The following ARFGEF1 variants were observed in gnomAD, a reference collection of about 807,000 sequenced individuals.
ARFGEF1 encodes the protein ARF guanine nucleotide exchange factor 1.
ARFGEF1 carries 42 observed loss-of-function variants against 231.0 expected under a neutral mutation model. The observed-to-expected ratio is 0.18, with a 90% CI of 0.14 to 0.24. The LOEUF is 0.24. Ranked by LOEUF, ARFGEF1 falls within the 10% of genes least tolerant of loss-of-function variation. The probability of loss-of-function intolerance (pLI) is 1.00; values close to 1 mark genes in which losing one functional copy is unlikely to be tolerated. For missense variants in ARFGEF1, 1,345 were observed against 2,192.0 expected, an observed-to-expected ratio of 0.61 and a Z score of 7.72; for synonymous variants, 710 against 732.3, an observed-to-expected ratio of 0.97 and a Z score of 0.49.
chr8:67,342,495 A>G (rs1808686571), intron 1 of ARFGEF1, among the ~76,000 whole-genome samples: 1 of 152,116 alleles, frequency 6.6e-6, no homozygotes, highest in African/African-American at 2.4e-5. Context: ...TTTTATCTAA[A>G]GGTTCTTTGC....
intron 19 of ARFGEF1, among the ~76,000 whole-genome samples, chr8:67,244,758 A>C (rs1236217756): frequency 1.3e-5 from 2 of 150,426 alleles, no homozygotes; most frequent in South Asian, 4.2e-4. Context: ...GCAATTCTAA[A>C]AGTTATTGGT....
intron 5 of ARFGEF1, among the ~76,000 whole-genome samples, chr8:67,191,059 C>T (rs1469658327): frequency 6.6e-6 from 1 of 152,218 alleles, no homozygotes; most frequent in Non-Finnish European, 1.5e-5. Flanking sequence ...CAAGAAGGAA[C>T]TGATGTCATT....
chr8:67,343,042 G>C (rs965527010), intron 1 of ARFGEF1, 122 bp downstream of exon 1: 7 of 1,168,626 alleles, frequency 6.0e-6, no homozygotes, highest in Non-Finnish European at 5.9e-6. Flanking sequence ...GGCTCCGCGA[G>C]GGCTTCCCGA....
intron 1 of ARFGEF1, among the ~76,000 whole-genome samples, chr8:67,306,763 AGTTTT>A (rs1806764766): frequency 1.3e-5 from 2 of 151,872 alleles, no homozygotes; most frequent in South Asian, 4.2e-4. Flanking sequence ...GCAAATGGAT[AGTTTT>A]GTTTGTTTGT....
At chr8:67,202,741 TTG>T (rs955001019) in intron 36 of ARFGEF1, among the ~76,000 whole-genome samples, 2 of 152,170 alleles carry the variant, frequency 1.3e-5, no homozygotes, top group African/African-American at 4.8e-5. Flanking sequence ...ATGCCAGGTT[TTG>T]TGTGTGCGAC....
intron 17 of ARFGEF1, among the ~76,000 whole-genome samples, chr8:67,257,430 T>C (rs1840495367): frequency 6.6e-6 from 1 of 152,214 alleles, no homozygotes; most frequent in Non-Finnish European, 1.5e-5. Flanking sequence ...CGTTTTTCCA[T>C]GTTGTGACAA....
At chr8:67,259,282 A>G (rs956076584) in intron 15 of ARFGEF1, among the ~76,000 whole-genome samples, 7 of 152,190 alleles carry the variant, frequency 4.6e-5, no homozygotes, top group Non-Finnish European at 7.4e-5. Context: ...GCTGGAGTGC[A>G]GTGGTGCAAT....
intron 1 of ARFGEF1, among the ~76,000 whole-genome samples, chr8:67,310,714 A>T (rs1253735376): frequency 7.1e-6 from 1 of 140,142 alleles, no homozygotes; most frequent in Non-Finnish European, 1.5e-5. Flanking sequence ...CCGCCGCCCA[A>T]TCTGGGATGT....
In ARFGEF1 at chr8:67,217,120, C is replaced by T. The variant is rs369879542; in HGVS notation, c.4614-458G>A. On this transcript the variant is annotated intron_variant, in intron 32 of 38. Transcript: ENST00000262215. Reference sequence around the variant, plus strand: ...GGGAGTTTGAGACCAGCCTGACCAACGTGGAGAAACCCCATCTCAACTAAA... The same window carrying T: ...GGGAGTTTGAGACCAGCCTGACCAATGTGGAGAAACCCCATCTCAACTAAA... Among the ~76,000 whole-genome samples the T allele has an allele frequency of 5.8e-4, 88 of 151,826 alleles. 1 individual carries two copies. The highest frequency in any genetic ancestry group is 3.4e-3 in the Middle Eastern group (1 of 292).
At chr8:67,276,237 G>A (rs1014816648) in intron 8 of ARFGEF1, 128 bp from the exon 9 acceptor site, 1 of 985,526 alleles carries the variant, frequency 1.0e-6, no homozygotes, top group Non-Finnish European at 1.5e-6. Flanking sequence ...AGGGGAACCA[G>A]ATGAGGGAAT....
Position 67,203,252 on chromosome 8 carries a change from CT to C in ARFGEF1, c.4960-2del. On this transcript the variant is annotated splice_acceptor_variant, in intron 35 of 38. Coordinates refer to ENST00000262215, the MANE Select transcript of ARFGEF1 (RefSeq NM_006421.5). LOFTEE classifies it high-confidence loss of function. ...GAACATCAAAGTCCACCGCATCTCT[CT>C]TTGGAAAACAAACCACCCCAGCATA... The C allele has an allele frequency of 6.2e-7, 1 of 1,613,218 alleles. No homozygotes were observed. The highest frequency in any genetic ancestry group is 8.5e-7 in the Non-Finnish European group (1 of 1,179,610).
intron 21 of ARFGEF1, 58 bp downstream of exon 21, chr8:67,238,677 T>C: frequency 1.9e-6 from 3 of 1,572,458 alleles, no homozygotes; most frequent in Non-Finnish European, 8.7e-7. Context: ...TGATGGACTA[T>C]TTAGCATTAG....
chr8:67,287,899 A>T, intron 7 of ARFGEF1, 56 bp downstream of exon 7: 1 of 1,226,578 alleles, frequency 8.2e-7, no homozygotes, highest in Non-Finnish European at 1.1e-6. Flanking sequence ...CAAAGTCTCC[A>T]CAGTCAGATG....
At chr8:67,240,383 G>T in intron 19 of ARFGEF1, 93 bp from the exon 20 acceptor site, 1 of 1,210,380 alleles carries the variant, frequency 8.3e-7, no homozygotes. Flanking sequence ...CTGAAAAAAA[G>T]AAATGAAATT....
At chr8:67,307,237 TGC>T (rs1806789845) in intron 1 of ARFGEF1, among the ~76,000 whole-genome samples, 1 of 152,240 alleles carries the variant, frequency 6.6e-6, no homozygotes, top group African/African-American at 2.4e-5. Context: ...CTTTCCTGCT[TGC>T]CTCCTCCTTT....
chr8:67,210,185 A>G (rs1838681332), intron 34 of ARFGEF1, among the ~76,000 whole-genome samples: 2 of 149,076 alleles, frequency 1.3e-5, no homozygotes, highest in Non-Finnish European at 3.0e-5. Context: ...GAAAAACAAT[A>G]GGGTGCTCCT....
chr8:67,200,779 G>A (rs565262096), intron 37 of ARFGEF1, among the ~76,000 whole-genome samples: 17 of 152,298 alleles, frequency 1.1e-4, no homozygotes, highest in African/African-American at 3.4e-4. Context: ...CAAAGCTGCC[G>A]TGTGGCAGGT....
At chr8:67,293,433 A>G (rs576330370) in intron 5 of ARFGEF1, among the ~76,000 whole-genome samples, 1 of 152,282 alleles carries the variant, frequency 6.6e-6, no homozygotes, top group East Asian at 1.9e-4. Flanking sequence ...TTAAAAAGTG[A>G]CAAAAATATT....
chr8:67,258,857 G>A (rs538555222), intron 15 of ARFGEF1, among the ~76,000 whole-genome samples: 124 of 125,348 alleles, frequency 9.9e-4, no homozygotes, highest in Middle Eastern at 7.4e-3. Context: ...ACACACACCA[G>A]TCATCACTCA....
Sources: gnomAD v4.1 joint callset for allele counts (sites outside exome capture counted in the v4.1 genomes callset) on GRCh38, gnomAD v4.1.1 for gene constraint, MANE v1.5 for transcripts, NCBI Gene and HGNC (gene_info 2026-07-23, HGNC 2026-07-21) for gene names.